The following SVEP1 variants were observed in gnomAD, a reference collection of about 807,000 sequenced individuals.
SVEP1 encodes the protein sushi, von Willebrand factor type A, EGF and pentraxin domain containing 1, also known as sushi, von Willebrand factor type A, EGF and pentraxin domain-containing protein 1.
Under a neutral mutation model 367.3 loss-of-function variants are expected in SVEP1, and 164 were observed. That is an observed-to-expected ratio of 0.45 (90% CI 0.39 to 0.51). The LOEUF (loss-of-function observed/expected upper bound fraction) is 0.51. SVEP1 is among the 20% of genes least tolerant of loss of function. The pLI, the probability that SVEP1 is intolerant of heterozygous loss-of-function variation, is 0.00. For missense variants in SVEP1, 4,117 were observed against 4,425.3 expected (o/e 0.93, Z 1.98); for synonymous variants, 1,666 against 1,611.6 (o/e 1.03, Z -0.81).
In SVEP1 at chr9:110,434,500, G is replaced by A. The variant is rs773638700; in HGVS notation, c.4895C>T (p.Pro1632Leu). The A allele has an allele frequency of 3.7e-6, 6 of 1,612,364 alleles. No individual in the cohort carries two copies. The highest frequency in any genetic ancestry group is 1.7e-4 in the Middle Eastern group (1 of 5,830). The part of the protein sequence containing the change: ...DSKSIFCSDC[P>L]RLGGSVPHLR... ...ATGAGGCACTGACCCTCCTAAGCGTGGGCAATCTGAGGGCAAAGAACACAG... is the reference window on the plus strand; with the variant it reads ...ATGAGGCACTGACCCTCCTAAGCGTAGGCAATCTGAGGGCAAAGAACACAG... The change falls in exon 30 of 48, where the codon CCA becomes CTA. Residue 1632 changes from proline to leucine, a missense_variant. Physicochemically the swap from Pro to Leu is moderately conservative, Grantham distance 98. Around this residue, in one of 4 missense-constraint regions of SVEP1, gnomAD observed 2,174 missense variants for 2,494.3 expected, o/e 0.87. Transcript: ENST00000374469.
At chr9:110,552,452 A>G (rs1276157388) in intron 1 of SVEP1, among the ~76,000 whole-genome samples, 1 of 152,170 alleles carries the variant, frequency 6.6e-6, no homozygotes, top group Non-Finnish European at 1.5e-5. Context: ...ATTCAAGCAC[A>G]TTATATTTAT....
In SVEP1 at chr9:110,407,415, G is replaced by T. The variant is rs202205164; in HGVS notation, c.8185C>A (p.Arg2729Ser). ...LPTAPENGFL[R>S]FTETSMGSAV... is the part of the protein sequence containing the mutation. Reference sequence around the variant, plus strand: ...CTTCCCATGCTAGTCTCTGTAAAACGCAAAAAGCCATTTTCAGGAGCAGTA... The same window carrying T: ...CTTCCCATGCTAGTCTCTGTAAAACTCAAAAAGCCATTTTCAGGAGCAGTA... Residue 2729 changes from arginine to serine, a missense_variant, in exon 38 of 48, where the codon CGT (arginine) becomes AGT (serine). Arg to Ser is a moderately radical substitution (Grantham distance 110, BLOSUM62 -1). Around this residue, in one of 4 missense-constraint regions of SVEP1, gnomAD observed 1,765 missense variants for 1,781.1 expected, o/e 0.99. Transcript: ENST00000374469. 6.2e-7 allele frequency: 1 copy of T among 1,613,950 alleles called. No individual in the cohort carries two copies. Among genetic ancestry groups the T allele is most frequent in the East Asian group, 2.2e-5 (1 of 44,880 alleles).
At chr9:110,432,073 CT>C in intron 31 of SVEP1, 39 bp from the exon 32 acceptor site, 1 of 1,557,648 alleles carries the variant, frequency 6.4e-7, no homozygotes, top group Non-Finnish European at 8.7e-7. Context: ...AAGTTGATTC[CT>C]TTTCCGTATG....
intron 8 of SVEP1, among the ~76,000 whole-genome samples, chr9:110,490,201 C>T (rs547563052): frequency 6.6e-6 from 1 of 152,178 alleles, no homozygotes; most frequent in Non-Finnish European, 1.5e-5. Context: ...CTTTTCTTTA[C>T]TGATGCATAA....
At chr9:110,524,151 A>C (rs1829912399) in intron 3 of SVEP1, among the ~76,000 whole-genome samples, 1 of 152,184 alleles carries the variant, frequency 6.6e-6, no homozygotes, top group South Asian at 2.1e-4. Flanking sequence ...AATTGAATTC[A>C]TAATTTTAAA....
Position 110,390,336 on chromosome 9 carries a change from C to CGTATATAT in SVEP1, c.9823-750_9823-749insATATATAC, listed in dbSNP as rs1288152358. Among the ~76,000 whole-genome samples the CGTATATAT allele has an allele frequency of 3.0e-4, 7 of 22,998 alleles. 2 individuals carry two copies. Among genetic ancestry groups the CGTATATAT allele is most frequent in the African/African-American group, 2.0e-3 (6 of 3,058 alleles). 15.1% of individuals were successfully genotyped at this position (22,998 alleles called of 152,430 possible). The stretch of plus-strand genomic sequence containing the variant: ...ATGTGTATATATACTTATATATACA[C>CGTATATAT]ATACTTATATACACTTATATATATA... On this transcript the variant is annotated intron_variant, in intron 40 of 47. Transcript: ENST00000374469.
At chr9:110,403,414 C>T (rs1827900025) in intron 39 of SVEP1, among the ~76,000 whole-genome samples, 1 of 144,856 alleles carries the variant, frequency 6.9e-6, no homozygotes, top group African/African-American at 2.6e-5. Context: ...AAGCAATTCT[C>T]CTGTCTCAGC....
At chr9:110,460,035 T>C (rs1439144234) in intron 18 of SVEP1, among the ~76,000 whole-genome samples, 2 of 152,130 alleles carry the variant, frequency 1.3e-5, no homozygotes, top group Non-Finnish European at 2.9e-5. Context: ...TTATGACTCC[T>C]CCTTATTTAA....
At chr9:110,503,474 G>C (rs565937568) in intron 5 of SVEP1, among the ~76,000 whole-genome samples, 3 of 152,284 alleles carry the variant, frequency 2.0e-5, no homozygotes, top group Admixed American at 1.3e-4. Context: ...TGTCTAAGAG[G>C]CCTGGCCCTA....
chr9:110,572,296 G>A (rs375027515), intron 1 of SVEP1, among the ~76,000 whole-genome samples: 2 of 152,206 alleles, frequency 1.3e-5, no homozygotes, highest in African/African-American at 4.8e-5. Context: ...CCACAGCTGT[G>A]AGGGAGGACA....
Position 110,579,628 on chromosome 9 carries a change from GC to G in SVEP1, c.-86del. 5 of 1,418,152 alleles carry G rather than the reference GC, an allele frequency of 3.5e-6. No individual in the cohort carries two copies. The highest frequency in any genetic ancestry group is 4.6e-6 in the Non-Finnish European group (5 of 1,091,514). 87.8% of individuals were successfully genotyped at this position (1,418,152 alleles called of 1,614,324 possible). ...GCTGGGCGGCCGGACTCGCAGAGGG[GC>G]GTGCGCGGAGCTGGGCGCGGGGCAG... On this transcript the variant is annotated 5_prime_UTR_variant, in exon 1 of 48. Transcript: ENST00000374469. The surrounding 1 kb of genome is among the most constrained non-coding windows in gnomAD (Gnocchi z 5.3).
chr9:110,476,251 T>G lies in SVEP1; in HGVS notation c.2552A>C (p.Lys851Thr). 4.3e-6 allele frequency: 7 copies of G among 1,613,728 alleles called. No individual in the cohort carries two copies. The South Asian group carries it at 7.7e-5, about 18-fold the overall frequency. The change falls in exon 14 of 48, where the codon AAA (lysine) becomes ACA (threonine). Residue 851 changes from lysine to threonine, a missense_variant. Coordinates refer to ENST00000374469, the MANE Select transcript of SVEP1 (RefSeq NM_153366.4). ...GTCATAATTATATTCTAGGCAATATTTTTTGGTCAGGTTCTCCTCCAGTCT... is the reference window on the plus strand; with the variant it reads ...GTCATAATTATATTCTAGGCAATATGTTTTGGTCAGGTTCTCCTCCAGTCT... ...DCRLEENLTK[K>T]YCLEYNYDYE...
chr9:110,398,178 A>C (rs1270743437), intron 40 of SVEP1, among the ~76,000 whole-genome samples: 1 of 152,142 alleles, frequency 6.6e-6, no homozygotes, highest in Non-Finnish European at 1.5e-5. Flanking sequence ...AGCCCTCAGA[A>C]ATTATGCTGC....
At chr9:110,429,875 G>T in intron 34 of SVEP1, 45 bp downstream of exon 34, 1 of 1,511,342 alleles carries the variant, frequency 6.6e-7, no homozygotes, top group Non-Finnish European at 9.2e-7. Context: ...CTACCAGTAT[G>T]CCATCAACAT....
intron 46 of SVEP1, among the ~76,000 whole-genome samples, chr9:110,373,292 T>C (rs1397714524): frequency 6.6e-6 from 1 of 152,196 alleles, no homozygotes; most frequent in Non-Finnish European, 1.5e-5. Context: ...CCAGGACATA[T>C]TTCCTTCTCT....
intron 40 of SVEP1, among the ~76,000 whole-genome samples, chr9:110,393,062 T>C (rs769366410): frequency 6.6e-6 from 1 of 152,226 alleles, no homozygotes; most frequent in Non-Finnish European, 1.5e-5. Context: ...GCAATCACTA[T>C]TGCACCTTTC....
intron 5 of SVEP1, among the ~76,000 whole-genome samples, chr9:110,505,666 T>C (rs989753114): frequency 3.9e-5 from 6 of 152,118 alleles, no homozygotes; most frequent in African/African-American, 1.4e-4. Context: ...CCAATAACCT[T>C]TTTTAAATTC....
At chr9:110,502,031 A>G (rs1191389663) in intron 6 of SVEP1, among the ~76,000 whole-genome samples, 1 of 152,030 alleles carries the variant, frequency 6.6e-6, no homozygotes, top group Non-Finnish European at 1.5e-5. Context: ...TTAAATAATA[A>G]TACCTCAAGA....
In SVEP1 at chr9:110,379,303, C is replaced by G. The variant is rs752428016; in HGVS notation, c.10408+44G>C. On this transcript the variant is annotated intron_variant, in intron 44 of 47. Transcript: ENST00000374469. ...ACAAATCAGATTTCTATACACATTT[C>G]CCTGCAGTTTCACTAAGAAATAACC... 1.9e-6 allele frequency: 3 copies of G among 1,594,550 alleles called. No individual in the cohort carries two copies. The African/African-American group carries it at 4.0e-5, about 21-fold the overall frequency.
Sources: gnomAD v4.1 joint callset for allele counts (sites outside exome capture counted in the v4.1 genomes callset) on GRCh38, gnomAD v4.1.1 for gene constraint, gnomAD v4.1.1 regional missense constraint, Gnocchi (gnomAD v3.1) non-coding constraint, MANE v1.5 for transcripts, NCBI Gene and HGNC (gene_info 2026-07-23, HGNC 2026-07-21) for gene names.